Variants in AFF2 observed in about 807,000 individuals in gnomAD.
The protein encoded by AFF2 is AF4/FMR2 family member 2.
Under a neutral mutation model 76.9 loss-of-function variants are expected in AFF2, and 14 were observed. The observed-to-expected ratio is 0.18, with a 90% CI of 0.12 to 0.28. The LOEUF (loss-of-function observed/expected upper bound fraction) is 0.28, where lower values mean the gene tolerates loss of function less well. Among genes scored for constraint, AFF2 ranks in the 10% least tolerant of loss-of-function variants. The probability of loss-of-function intolerance (pLI) is 1.00; values close to 1 mark genes in which losing one functional copy is unlikely to be tolerated. For synonymous variants in AFF2, 398 were observed against 366.7 expected, an observed-to-expected ratio of 1.09 and a Z score of -0.98; for missense variants, 868 against 1,001.1, an observed-to-expected ratio of 0.87 and a Z score of 1.79.
chrX:148,720,971 G>A (rs1413435464), intron 3 of AFF2, among the ~76,000 whole-genome samples: 1 of 111,704 alleles, frequency 9.0e-6, no homozygotes, highest in Non-Finnish European at 1.9e-5. Context: ...AGAGATATGA[G>A]ATATAGATAT....
chrX:148,590,407 C>T (rs1213734696), intron 1 of AFF2, among the ~76,000 whole-genome samples: 3 of 111,407 alleles, frequency 2.7e-5, no homozygotes, highest in Non-Finnish European at 5.7e-5. Context: ...TGCTTCTGAT[C>T]GTCCACTAAG....
rs781935458 is a variant in AFF2, at chrX:148,958,341, T to C, written c.2573T>C (p.Ile858Thr). The part of the protein sequence containing the change: ...APKGKRKHKP[I>T]EVAEKIPEKK... ...GTATTTTTTTCCCTGTTAAAGCCAA[T>C]AGAAGTTGCAGAGAAGATCCCTGAG... The change falls in exon 12 of 21, where the codon ATA (isoleucine) becomes ACA (threonine). Residue 858 changes from isoleucine to threonine, a missense_variant. Transcript: ENST00000370460. 1.5e-5 allele frequency: 18 copies of C among 1,209,352 alleles called. No individual in the cohort carries two copies. Among genetic ancestry groups the C allele is most frequent in the South Asian group, 1.4e-4 (8 of 56,674 alleles).
intron 3 of AFF2, among the ~76,000 whole-genome samples, chrX:148,677,624 T>C (rs1289612167): frequency 1.8e-5 from 2 of 112,626 alleles, no homozygotes; most frequent in African/African-American, 6.4e-5. Flanking sequence ...ATGAACACAT[T>C]ACCAGTTGAA....
chrX:148,985,524 A>T (rs979651906), intron 19 of AFF2, among the ~76,000 whole-genome samples: 1 of 108,860 alleles, frequency 9.2e-6, no homozygotes, highest in African/African-American at 3.4e-5. Flanking sequence ...AGAATTACAG[A>T]CGAGAAAGTC....
chrX:148,823,313 G>A (rs1557272710), intron 4 of AFF2, among the ~76,000 whole-genome samples: 1 of 111,816 alleles, frequency 8.9e-6, no homozygotes, highest in African/African-American at 3.3e-5. Flanking sequence ...GTGACCCTTG[G>A]CTAGTCTCTT....
chrX:148,776,212 G>C (rs112117358), intron 3 of AFF2, among the ~76,000 whole-genome samples: 1 of 112,096 alleles, frequency 8.9e-6, no homozygotes, highest in African/African-American at 3.2e-5. Flanking sequence ...TGGCTGCATA[G>C]TATTCCATGG....
At chrX:148,858,374 T>C (rs1404552034) in intron 7 of AFF2, among the ~76,000 whole-genome samples, 2 of 111,617 alleles carry the variant, frequency 1.8e-5, no homozygotes, top group African/African-American at 6.5e-5. Flanking sequence ...TCACAGAAAT[T>C]CTAGCATATA....
At chrX:148,664,715 A>C (rs1314656030) in intron 3 of AFF2, among the ~76,000 whole-genome samples, 2 of 112,738 alleles carry the variant, frequency 1.8e-5, no homozygotes, top group African/African-American at 6.4e-5. Context: ...TAGATACTCA[A>C]TAAATGTTTG....
At chrX:148,847,910 C>T (rs2070686635) in intron 7 of AFF2, among the ~76,000 whole-genome samples, 1 of 111,966 alleles carries the variant, frequency 8.9e-6, no homozygotes, top group Non-Finnish European at 1.9e-5. Context: ...GTCCTTCCTC[C>T]TGAAGTGTAC....
At chrX:148,756,818 A>G (rs1193950953) in intron 3 of AFF2, among the ~76,000 whole-genome samples, 1 of 112,719 alleles carries the variant, frequency 8.9e-6, no homozygotes, top group Non-Finnish European at 1.9e-5. Context: ...CAACTAGAAT[A>G]TAAGAAGTTG....
intron 1 of AFF2, among the ~76,000 whole-genome samples, chrX:148,578,140 A>G (rs979701751): frequency 2.7e-5 from 3 of 111,864 alleles, no homozygotes; most frequent in African/African-American, 9.8e-5. Flanking sequence ...GTCTTTTCTT[A>G]TATCATTTTG....
At chrX:148,837,135 G>A (rs2070536353) in intron 4 of AFF2, among the ~76,000 whole-genome samples, 1 of 111,650 alleles carries the variant, frequency 9.0e-6, no homozygotes, top group Non-Finnish European at 1.9e-5. Context: ...AGAGCCCCAG[G>A]CAATCTGGAG....
chrX:148,710,077 G>C (rs782143955), intron 3 of AFF2, among the ~76,000 whole-genome samples: 2 of 111,786 alleles, frequency 1.8e-5, no homozygotes, highest in Non-Finnish European at 3.8e-5. Context: ...TTACTCAACA[G>C]ATTCGGAAAT....
chrX:148,664,390 G>A (rs2124471428), intron 3 of AFF2, among the ~76,000 whole-genome samples: 1 of 111,269 alleles, frequency 9.0e-6, no homozygotes, highest in South Asian at 3.9e-4. Flanking sequence ...CTTGCTTTTT[G>A]GCTTGCTGTC....
chrX:148,649,915 A>G (rs2054186538), intron 1 of AFF2, among the ~76,000 whole-genome samples: 1 of 111,792 alleles, frequency 8.9e-6, no homozygotes, highest in South Asian at 3.7e-4. Context: ...GGTGCACAAA[A>G]TGAACAGATA....
At chrX:148,834,505 ATG>A (rs61709112) in intron 4 of AFF2, among the ~76,000 whole-genome samples, 9,491 of 91,545 alleles carry the variant, frequency 0.1, 929 homozygotes, top group African/African-American at 0.29. Context: ...CCAGTCTCAG[ATG>A]TGTGTGTGTG....
chrX:148,527,371 A>G (rs2052673141), intron 1 of AFF2, among the ~76,000 whole-genome samples: 1 of 112,364 alleles, frequency 8.9e-6, no homozygotes, highest in African/African-American at 3.2e-5. Context: ...AGGGTAAAGG[A>G]GGCTACAGAA....
intron 1 of AFF2, among the ~76,000 whole-genome samples, chrX:148,592,226 A>G (rs1174015322): frequency 2.7e-5 from 3 of 111,886 alleles, no homozygotes; most frequent in Non-Finnish European, 5.6e-5. Context: ...TTATAGTTAT[A>G]TGAACAGCAG....
At chrX:148,644,269 A>G (rs1364873945) in intron 1 of AFF2, among the ~76,000 whole-genome samples, 3 of 111,697 alleles carry the variant, frequency 2.7e-5, no homozygotes, top group African/African-American at 6.5e-5. Flanking sequence ...CTGTGAATAG[A>G]GTGCCCTTCT....
Sources: gnomAD v4.1 joint callset for allele counts (sites outside exome capture counted in the v4.1 genomes callset) on GRCh38, gnomAD v4.1.1 for gene constraint, MANE v1.5 for transcripts, NCBI Gene and HGNC (gene_info 2026-07-23, HGNC 2026-07-21) for gene names.